NME1: variants seen among roughly 807,000 people sequenced by gnomAD.
The protein encoded by NME1 is nucleoside diphosphate kinase A.
NME1 carries 9 observed loss-of-function variants against 17.2 expected under a neutral mutation model. The ratio of observed to expected loss-of-function variants is 0.52; its 90% confidence interval spans 0.32 to 0.92. The LOEUF (loss-of-function observed/expected upper bound fraction) is 0.92, where lower values mean the gene tolerates loss of function less well. NME1 is among the 40% of genes least tolerant of loss of function. The pLI is 0.04. For missense variants in NME1, 169 were observed against 201.7 expected (o/e 0.84, Z 0.98); for synonymous variants, 72 against 70.8 (o/e 1.02, Z -0.09).
chr17:51,156,843 A>G (rs2049793207), intron 2 of NME1, among the ~76,000 whole-genome samples: 1 of 148,720 alleles, frequency 6.7e-6, no homozygotes, highest in African/African-American at 2.5e-5. Flanking sequence ...AGTGACCGAG[A>G]TCGCATCATT....
chr17:51,157,558 C>A (rs920388467), intron 2 of NME1, among the ~76,000 whole-genome samples: 1 of 152,208 alleles, frequency 6.6e-6, no homozygotes, highest in Non-Finnish European at 1.5e-5. Flanking sequence ...GGGACACATT[C>A]AGATCACAGC....
chr17:51,161,144 T>C lies in NME1; in HGVS notation c.229-16T>C, dbSNP rs765524337. On this transcript the variant is annotated splice_polypyrimidine_tract_variant and intron_variant, in intron 3 of 4. Transcript: ENST00000393196. ...TTGGTTTTCTTCTTTGACCATATCTTCTTCTGTCCTTGGAGGTCTGGGAGG... is the reference window on the plus strand; with the variant it reads ...TTGGTTTTCTTCTTTGACCATATCTCCTTCTGTCCTTGGAGGTCTGGGAGG... 2 of 1,602,484 alleles carry C rather than the reference T, an allele frequency of 1.2e-6. No individual in the cohort carries two copies. Among genetic ancestry groups the C allele is most frequent in the Non-Finnish European group, 1.7e-6 (2 of 1,174,220 alleles).
intron 1 of NME1, among the ~76,000 whole-genome samples, chr17:51,154,802 A>G (rs1436991831): frequency 6.6e-6 from 1 of 152,194 alleles, no homozygotes; most frequent in South Asian, 2.1e-4. Flanking sequence ...ACCGGACATC[A>G]CTTTCACATT....
chr17:51,156,892 C>CAAAAAAAA (rs71355724), intron 2 of NME1, among the ~76,000 whole-genome samples: 1 of 86,924 alleles, frequency 1.2e-5, no homozygotes, highest in Admixed American at 1.4e-4. Context: ...ACTCCATCTC[C>CAAAAAAAA]AAAAAAAAAA....
chr17:51,160,068 C>T lies in NME1; in HGVS notation c.215C>T (p.Pro72Leu), dbSNP rs776130833. Residue 72 changes from proline (P) to leucine (L), a missense_variant, in exon 3 of 5, where the codon CCG becomes CTG. Coordinates refer to ENST00000393196, the MANE Select transcript of NME1 (RefSeq NM_000269.3). Reference sequence around the variant, plus strand: ...CTGGTGAAATACATGCACTCAGGGCCGGTAGTTGCCATGGTGAGTGTGCCT... The same window carrying T: ...CTGGTGAAATACATGCACTCAGGGCTGGTAGTTGCCATGGTGAGTGTGCCT... ...AGLVKYMHSG[P>L]VVAMVWEGLN... The T allele has an allele frequency of 3.2e-5, 51 of 1,613,944 alleles. No homozygotes were observed. The highest frequency in any genetic ancestry group is 3.1e-4 in the East Asian group (14 of 44,892).
chr17:51,161,817 G>A lies in NME1; in HGVS notation c.431G>A (p.Ser144Asn), dbSNP rs1211693367. 2 of 1,613,378 alleles carry A rather than the reference G, an allele frequency of 1.2e-6. No individual in the cohort carries two copies. The highest frequency in any genetic ancestry group is 1.3e-5 in the African/African-American group (1 of 74,938). The stretch of plus-strand genomic sequence containing the variant: ...CCTGAGGAACTGGTAGATTACACGA[G>A]CTGTGCTCAGAACTGGATCTATGAA... ...FHPEELVDYT[S>N]CAQNWIYE Residue 144 changes from serine to asparagine, a missense_variant, in exon 5 of 5, where the codon AGC becomes AAC. Transcript: ENST00000393196.
At chr17:51,161,009 G>A in intron 3 of NME1, 151 bp from the exon 4 acceptor site, 3 of 825,488 alleles carry the variant, frequency 3.6e-6, no homozygotes, top group Non-Finnish European at 6.1e-6. Context: ...CTCAGTGCTG[G>A]AATAAGTGGA....
rs532207985 is a variant in NME1, at chr17:51,157,884, G to A, written c.127-2096G>A. The stretch of plus-strand genomic sequence containing the variant: ...AAGGATAGCTGCCATGACTCTAAAG[G>A]GGCATTTAAATCTGGTGTGGAGGCA... On this transcript the variant is annotated intron_variant, in intron 2 of 4. Coordinates refer to ENST00000393196, the MANE Select transcript of NME1 (RefSeq NM_000269.3). Among the ~76,000 whole-genome samples the A allele has an allele frequency of 9.9e-5, 15 of 152,086 alleles. 1 individual carries two copies. The highest frequency in any genetic ancestry group is 1.8e-4 in the Non-Finnish European group (12 of 68,030).
At chr17:51,160,424 G>T in intron 3 of NME1, 4 of 384,520 alleles carry the variant, frequency 1.0e-5, no homozygotes, top group Non-Finnish European at 2.0e-5. Context: ...AGGTCCCAGG[G>T]TGGGAATGAG....
At position 51,155,637 on chromosome 17, in the gene NME1, CT is replaced by C; in HGVS notation, c.-4-13del. The C allele has an allele frequency of 6.2e-7, 1 of 1,613,388 alleles. No individual in the cohort carries two copies. The highest frequency in any genetic ancestry group is 8.5e-7 in the Non-Finnish European group (1 of 1,179,586). Reference sequence around the variant, plus strand: ...ATTCACTGCTGTTTCATTCCTCTACCTGCCTATCCCCAGAACCATGGCCAAC... The same window carrying C: ...ATTCACTGCTGTTTCATTCCTCTACCGCCTATCCCCAGAACCATGGCCAAC... On this transcript the variant is annotated splice_polypyrimidine_tract_variant and intron_variant, in intron 1 of 4. Coordinates refer to ENST00000393196, the MANE Select transcript of NME1 (RefSeq NM_000269.3).
chr17:51,155,423 TAAATC>T (rs1000652012), intron 1 of NME1, among the ~76,000 whole-genome samples: 13 of 152,052 alleles, frequency 8.5e-5, no homozygotes, highest in Non-Finnish European at 1.6e-4. Flanking sequence ...GAAAATAAAA[TAAATC>T]AAATGGGATA....
Position 51,155,721 on chromosome 17 carries a change from GAGATTATCAAGCGTTTTGAGC to G in NME1, c.71_91del (p.Ile24_Gln30del). ...TGGGGTCCAGCGGGGTCTTGTGGGA[GAGATTATCAAGCGTTTTGAGC>G]AGAAAGGATTCCGCCTTGTTGGTCT... is the stretch of plus-strand genomic sequence containing the variant. On this transcript the variant is annotated inframe_deletion, in exon 2 of 5. Transcript: ENST00000393196. The G allele has an allele frequency of 6.2e-7, 1 of 1,614,208 alleles. No individual in the cohort carries two copies. Among genetic ancestry groups the G allele is most frequent in the Non-Finnish European group, 8.5e-7 (1 of 1,180,018 alleles).
At chr17:51,159,365 C>T (rs1224823816) in intron 2 of NME1, among the ~76,000 whole-genome samples, 2 of 152,170 alleles carry the variant, frequency 1.3e-5, no homozygotes, top group Non-Finnish European at 2.9e-5. Flanking sequence ...CTTTGGGAGG[C>T]CAAGGCAGGC....
At chr17:51,155,581 C>T (rs887241117) in intron 1 of NME1, 70 bp from the exon 2 acceptor site, 36 of 1,599,098 alleles carry the variant, frequency 2.3e-5, no homozygotes, top group South Asian at 7.8e-5. Context: ...TGGGATAATC[C>T]GCTTGAGACG....
intron 1 of NME1, chr17:51,154,168 T>C: frequency 1.8e-6 from 1 of 545,604 alleles, no homozygotes; most frequent in South Asian, 2.2e-5. Flanking sequence ...TCTTTTTTTT[T>C]TTTTGGAAGT....
chr17:51,156,810 TG>T (rs2049792576), intron 2 of NME1, among the ~76,000 whole-genome samples: 1 of 149,628 alleles, frequency 6.7e-6, no homozygotes, highest in Non-Finnish European at 1.5e-5. Context: ...GAGAATCGCT[TG>T]AACTGGGGAG....
chr17:51,157,836 T>C lies in NME1; in HGVS notation c.126+2056T>C, dbSNP rs1463467654. On this transcript the variant is annotated intron_variant, in intron 2 of 4. Coordinates refer to ENST00000393196, the MANE Select transcript of NME1 (RefSeq NM_000269.3). Reference sequence around the variant, plus strand: ...CATTGAATTTCCTATTAAGGATATATGGGTTTGGTGAAGAATGGACGGAAG... The same window carrying C: ...CATTGAATTTCCTATTAAGGATATACGGGTTTGGTGAAGAATGGACGGAAG... Among the ~76,000 whole-genome samples the C allele has an allele frequency of 3.3e-5, 5 of 152,100 alleles. No homozygotes were observed. In the East Asian group the frequency reaches 9.6e-4, roughly 29 times the overall value.
At chr17:51,157,857 G>A (rs1014558318) in intron 2 of NME1, among the ~76,000 whole-genome samples, 1 of 152,114 alleles carries the variant, frequency 6.6e-6, no homozygotes, top group South Asian at 2.1e-4. Flanking sequence ...AAGAATGGAC[G>A]GAAGGATAGC....
chr17:51,154,351 G>A, intron 1 of NME1: 1 of 1,612,408 alleles, frequency 6.2e-7, no homozygotes, highest in Non-Finnish European at 8.5e-7. Flanking sequence ...GTTAACTAAA[G>A]GACAGGAAGA....
Sources: gnomAD v4.1 joint callset for allele counts (sites outside exome capture counted in the v4.1 genomes callset) on GRCh38, gnomAD v4.1.1 for gene constraint, MANE v1.5 for transcripts, NCBI Gene and HGNC (gene_info 2026-07-23, HGNC 2026-07-21) for gene names.